GLT1D1: variants seen among roughly 807,000 people sequenced by gnomAD.
The protein encoded by GLT1D1 is glycosyltransferase 1 domain containing 1.
GLT1D1 carries 21 observed loss-of-function variants against 28.7 expected under a neutral mutation model. That is an observed-to-expected ratio of 0.73 (90% confidence interval 0.52 to 1.05). GLT1D1 has a LOEUF of 1.05. Ranked by LOEUF, GLT1D1 falls within the 50% of genes least tolerant of loss-of-function variation. The pLI, the probability that GLT1D1 is intolerant of heterozygous loss-of-function variation, is 0.00. For missense variants in GLT1D1, 343 were observed against 330.6 expected, an observed-to-expected ratio of 1.04 and a Z score of -0.29; for synonymous variants, 147 against 124.8, an observed-to-expected ratio of 1.18 and a Z score of -1.19.
intron 7 of GLT1D1, among the ~76,000 whole-genome samples, chr12:128,972,412 C>T (rs989286994): frequency 1.5e-4 from 23 of 152,320 alleles, no homozygotes; most frequent in Admixed American, 1.2e-3. Context: ...TGCTCATGCT[C>T]CCTTGGCTGG....
At chr12:128,929,953 G>A (rs1873689213) in intron 4 of GLT1D1, among the ~76,000 whole-genome samples, 1 of 152,200 alleles carries the variant, frequency 6.6e-6, no homozygotes, top group Non-Finnish European at 1.5e-5. Context: ...TCCAGCCTGG[G>A]TGACAGAGCA....
chr12:128,874,103 TCTCTC>T (rs1956791356), intron 1 of GLT1D1, among the ~76,000 whole-genome samples: 5 of 42,328 alleles, frequency 1.2e-4, no homozygotes, highest in African/African-American at 4.9e-4. Flanking sequence ...TTTCTTTCTC[TCTCTC>T]TCTCTCTCTC....
intron 6 of GLT1D1, among the ~76,000 whole-genome samples, chr12:128,952,434 T>TCGG (rs1335276973): frequency 1.3e-5 from 1 of 74,880 alleles, no homozygotes; most frequent in East Asian, 4.8e-4. Flanking sequence ...AGGGTGGGGG[T>TCGG]GGGGGGGGGT....
chr12:128,881,768 TTGTG>T (rs1243018238), intron 2 of GLT1D1, among the ~76,000 whole-genome samples: 3 of 150,650 alleles, frequency 2.0e-5, no homozygotes, highest in Non-Finnish European at 4.4e-5. Flanking sequence ...GCTCTGTAGT[TTGTG>T]TGTATATTTT....
Position 128,896,575 on chromosome 12 carries a change from CTTTTT to C in GLT1D1, c.324-2642_324-2638del, listed in dbSNP as rs60875245. On this transcript the variant is annotated intron_variant, in intron 3 of 7. Transcript: ENST00000281703. ...GAAAATTTGGGCTGAATGACACATACTTTTTTTTTTTTTTTTTTTTTTTGAGACAG... is the reference window on the plus strand; with the variant it reads ...GAAAATTTGGGCTGAATGACACATACTTTTTTTTTTTTTTTTTTGAGACAG... 4.8e-5 allele frequency among the ~76,000 whole-genome samples: 5 copies of C among 105,098 alleles called. No individual in the cohort carries two copies. The South Asian group carries it at 9.5e-4, about 20-fold the overall frequency. 68.9% of individuals were successfully genotyped at this position (105,098 alleles called of 152,430 possible).
intron 2 of GLT1D1, among the ~76,000 whole-genome samples, chr12:128,878,737 A>G (rs1332430189): frequency 6.6e-6 from 1 of 151,900 alleles, no homozygotes; most frequent in Non-Finnish European, 1.5e-5. Context: ...CCTCCCAAGT[A>G]CAGGCATGTG....
At chr12:128,918,842 G>C (rs532614246) in intron 4 of GLT1D1, among the ~76,000 whole-genome samples, 8 of 152,220 alleles carry the variant, frequency 5.3e-5, no homozygotes, top group Non-Finnish European at 1.0e-4. Flanking sequence ...ATAGTCTCAG[G>C]GTTGACTGTT....
intron 7 of GLT1D1, among the ~76,000 whole-genome samples, chr12:128,960,126 C>T (rs528687846): frequency 1.3e-5 from 2 of 152,306 alleles, no homozygotes; most frequent in South Asian, 2.1e-4. Flanking sequence ...GCGGCACTCA[C>T]GGAGTCTCGT....
intron 4 of GLT1D1, among the ~76,000 whole-genome samples, chr12:128,931,917 G>GCACACACACACACA (rs372135029): frequency 7.0e-4 from 99 of 141,098 alleles, no homozygotes; most frequent in African/African-American, 2.4e-3. Context: ...ACACACGCAC[G>GCACACACACACACA]CACACACACA....
At chr12:128,857,576 C>T (rs1391785153) in intron 1 of GLT1D1, among the ~76,000 whole-genome samples, 1 of 152,000 alleles carries the variant, frequency 6.6e-6, no homozygotes, top group Non-Finnish European at 1.5e-5. Context: ...GAGGGAGGTT[C>T]CCTTGGTGAC....
intron 3 of GLT1D1, 57 bp downstream of exon 3, chr12:128,888,801 A>G: frequency 8.4e-7 from 1 of 1,187,872 alleles, no homozygotes; most frequent in Non-Finnish European, 1.2e-6. Flanking sequence ...GAATTGAATT[A>G]ATTGAAACCA....
At chr12:128,954,519 A>C (rs1356872589) in intron 6 of GLT1D1, among the ~76,000 whole-genome samples, 4 of 152,118 alleles carry the variant, frequency 2.6e-5, no homozygotes, top group Non-Finnish European at 5.9e-5. Flanking sequence ...ATGGGTGTGG[A>C]GTGCGTTCTC....
At chr12:128,878,884 A>T (rs1305418296) in intron 2 of GLT1D1, among the ~76,000 whole-genome samples, 2 of 152,140 alleles carry the variant, frequency 1.3e-5, no homozygotes, top group Non-Finnish European at 2.9e-5. Context: ...TAAAGTGCTG[A>T]GATTAAAGGC....
chr12:128,928,017 A>AC (rs1222117882), intron 4 of GLT1D1, among the ~76,000 whole-genome samples: 13 of 142,084 alleles, frequency 9.1e-5, no homozygotes, highest in Admixed American at 5.0e-4. Flanking sequence ...AAAAAAAAAA[A>AC]AAAAAAAACA....
chr12:128,961,848 T>C (rs568846570), intron 7 of GLT1D1, among the ~76,000 whole-genome samples: 1 of 152,122 alleles, frequency 6.6e-6, no homozygotes, highest in Non-Finnish European at 1.5e-5. Context: ...CACTGACACA[T>C]AAAATTAACC....
intron 7 of GLT1D1, among the ~76,000 whole-genome samples, chr12:128,970,440 TC>T (rs1878925123): frequency 6.6e-6 from 1 of 152,176 alleles, no homozygotes; most frequent in South Asian, 2.1e-4. Flanking sequence ...CCTGGGCTGT[TC>T]CAGCAGCCTC....
intron 2 of GLT1D1, among the ~76,000 whole-genome samples, chr12:128,878,271 T>G (rs1800113005): frequency 6.6e-6 from 1 of 152,222 alleles, no homozygotes; most frequent in Non-Finnish European, 1.5e-5. Context: ...ATTCAGCATC[T>G]TCCTTTTCAC....
chr12:128,939,837 A>AC (rs34870104), intron 4 of GLT1D1, among the ~76,000 whole-genome samples: 23,655 of 97,378 alleles, frequency 0.24, 4,562 homozygotes, highest in South Asian at 0.39. Context: ...ATTGTTAGAA[A>AC]CCCCCCCCCA....
At chr12:128,907,206 C>T (rs1870964554) in intron 4 of GLT1D1, among the ~76,000 whole-genome samples, 1 of 152,126 alleles carries the variant, frequency 6.6e-6, no homozygotes, top group South Asian at 2.1e-4. Flanking sequence ...ATGCATTGAA[C>T]ACGTGGGTTT....
Sources: allele counts gnomAD v4.1 joint callset (sites outside exome capture counted in the v4.1 genomes callset), GRCh38; gene constraint gnomAD v4.1.1; transcripts MANE v1.5; gene names NCBI Gene and HGNC (gene_info 2026-07-23, HGNC 2026-07-21).